RORB: variants seen among roughly 807,000 people sequenced by gnomAD.
RORB encodes nuclear receptor ROR-beta.
A neutral mutation model predicts 59.1 loss-of-function variants in RORB; 6 were observed. The ratio of observed to expected loss-of-function variants is 0.10; its 90% CI spans 0.06 to 0.20. The LOEUF is 0.20. Among genes scored for constraint, RORB ranks in the 10% least tolerant of loss-of-function variants. RORB has a pLI of 1.00. For missense variants in RORB, 320 were observed against 560.5 expected (o/e 0.57, Z 4.33); for synonymous variants, 215 against 204.5 (o/e 1.05, Z -0.44).
At chr9:74,652,299 T>G (rs936545858) in intron 4 of RORB, among the ~76,000 whole-genome samples, 2 of 152,048 alleles carry the variant, frequency 1.3e-5, no homozygotes, top group African/African-American at 4.8e-5. Flanking sequence ...TCCCAGCTAG[T>G]TGCACGACTG....
intron 9 of RORB, among the ~76,000 whole-genome samples, chr9:74,672,487 T>A (rs1213211943): frequency 1.3e-5 from 2 of 152,176 alleles, no homozygotes; most frequent in Non-Finnish European, 2.9e-5. Context: ...AACGCTGATC[T>A]CTTCGTGCAA....
chr9:74,558,300 G>A (rs578204836), intron 1 of RORB, among the ~76,000 whole-genome samples: 1 of 152,244 alleles, frequency 6.6e-6, no homozygotes, highest in Non-Finnish European at 1.5e-5. Context: ...AGCAGGATGG[G>A]TGACTGTCAG....
At chr9:74,529,757 A>C (rs1826207813) in intron 1 of RORB, among the ~76,000 whole-genome samples, 1 of 151,878 alleles carries the variant, frequency 6.6e-6, no homozygotes, top group South Asian at 2.1e-4. Context: ...ACCTAGGGAA[A>C]TGAAAACTAG....
At chr9:74,531,408 T>C (rs909138535) in intron 1 of RORB, among the ~76,000 whole-genome samples, 1 of 151,996 alleles carries the variant, frequency 6.6e-6, no homozygotes, top group Admixed American at 6.6e-5. Flanking sequence ...CTATGTATTA[T>C]GCCCAAGATA....
At chr9:74,522,167 A>G (rs1042861181) in intron 1 of RORB, among the ~76,000 whole-genome samples, 2 of 151,778 alleles carry the variant, frequency 1.3e-5, no homozygotes, top group Admixed American at 1.3e-4. Flanking sequence ...CAGTAAACTT[A>G]GTAAAATTAC....
At chr9:74,617,815 T>C (rs1011832682) in intron 1 of RORB, among the ~76,000 whole-genome samples, 1 of 152,188 alleles carries the variant, frequency 6.6e-6, no homozygotes, top group Non-Finnish European at 1.5e-5. Flanking sequence ...TCCTTTAAAT[T>C]CTGTATGTCT....
intron 1 of RORB, among the ~76,000 whole-genome samples, chr9:74,582,416 C>T (rs1242681727): frequency 2.0e-5 from 3 of 152,072 alleles, no homozygotes; most frequent in Non-Finnish European, 1.5e-5. Context: ...GAGCCCATGC[C>T]CTAGGAATGG....
At chr9:74,573,561 G>C (rs1587365410) in intron 1 of RORB, among the ~76,000 whole-genome samples, 1 of 151,556 alleles carries the variant, frequency 6.6e-6, no homozygotes, top group Non-Finnish European at 1.5e-5. Context: ...GTGTTGACAT[G>C]AAATCAAATT....
At chr9:74,580,949 G>A (rs896160154) in intron 1 of RORB, among the ~76,000 whole-genome samples, 4 of 152,152 alleles carry the variant, frequency 2.6e-5, no homozygotes, top group South Asian at 2.1e-4. Flanking sequence ...ATCTCCAGAC[G>A]TGAATGAAGT....
intron 4 of RORB, among the ~76,000 whole-genome samples, chr9:74,645,647 A>T (rs1430162218): frequency 1.3e-5 from 2 of 152,158 alleles, no homozygotes; most frequent in African/African-American, 4.8e-5. Context: ...ATTGCAGATA[A>T]TATAATTACC....
At position 74,627,288 on chromosome 9, in the gene RORB, G is replaced by A. The variant is rs528369677; in HGVS notation, c.8-2994G>A. ...TTTACCTTTACCTATCATAAACCTC[G>A]GATGATTTATTATATTGCAATAAGT... On this transcript the variant is annotated intron_variant, in intron 1 of 9. Transcript: ENST00000376896. Among the ~76,000 whole-genome samples the A allele has an allele frequency of 1.3e-4, 20 of 152,024 alleles. No individual in the cohort carries two copies. The East Asian group carries it at 2.3e-3, about 18-fold the overall frequency.
At chr9:74,521,831 T>A (rs984779745) in intron 1 of RORB, among the ~76,000 whole-genome samples, 5 of 151,836 alleles carry the variant, frequency 3.3e-5, no homozygotes, top group Non-Finnish European at 5.9e-5. Flanking sequence ...TGTTTCCTAA[T>A]CTGTAATAGT....
At chr9:74,590,054 G>A (rs940228727) in intron 1 of RORB, among the ~76,000 whole-genome samples, 1 of 152,106 alleles carries the variant, frequency 6.6e-6, no homozygotes, top group Non-Finnish European at 1.5e-5. Context: ...GTAACATGTG[G>A]ATAACAGTAT....
intron 1 of RORB, among the ~76,000 whole-genome samples, chr9:74,559,336 C>G (rs1822360286): frequency 6.6e-6 from 1 of 152,120 alleles, no homozygotes; most frequent in Non-Finnish European, 1.5e-5. Flanking sequence ...CTCCCAAGCT[C>G]CAAGGTACAG....
At position 74,648,419 on chromosome 9, in the gene RORB, T is replaced by G. The variant is rs116991200; in HGVS notation, c.637+5604T>G. 3.4e-3 allele frequency among the ~76,000 whole-genome samples: 511 copies of G among 152,352 alleles called. 4 individuals carry two copies. Among genetic ancestry groups the G allele is most frequent in the Middle Eastern group, 0.01 (3 of 294 alleles). Reference sequence around the variant, plus strand: ...TGGATCAAATGACTTTTAAAGACTATGGTTCTCTCATCTTCCAGGGAGCTT... The same window carrying G: ...TGGATCAAATGACTTTTAAAGACTAGGGTTCTCTCATCTTCCAGGGAGCTT... On this transcript the variant is annotated intron_variant, in intron 4 of 9. Coordinates refer to ENST00000376896, the MANE Select transcript of RORB (RefSeq NM_006914.4).
intron 1 of RORB, among the ~76,000 whole-genome samples, chr9:74,576,552 T>A (rs1448706458): frequency 6.6e-6 from 1 of 152,044 alleles, no homozygotes; most frequent in Non-Finnish European, 1.5e-5. Context: ...GTCATGATGA[T>A]TATAATGCAA....
Position 74,689,419 on chromosome 9 carries a change from A to G in RORB, c.*3801A>G, listed in dbSNP as rs1438479164. 1.3e-5 allele frequency: 2 copies of G among 152,158 alleles called. No individual in the cohort carries two copies. The highest frequency in any genetic ancestry group is 2.4e-5 in the African/African-American group (1 of 41,402). 9.4% of individuals were successfully genotyped at this position (152,158 alleles called of 1,614,324 possible). A position where few individuals can be genotyped will look rare whatever the true frequency, so the allele number is the denominator to read the frequency against. ...GCGCCCTGCCTTCAGTGGCTCTTTT[A>G]TCCCCCAAAGACTGAAAGCTGAAGG... On this transcript the variant is annotated 3_prime_UTR_variant, in exon 10 of 10. Transcript: ENST00000376896.
At chr9:74,517,316 A>C (rs1187288987) in intron 1 of RORB, among the ~76,000 whole-genome samples, 1 of 151,998 alleles carries the variant, frequency 6.6e-6, no homozygotes, top group Non-Finnish European at 1.5e-5. Flanking sequence ...CTGTAACGAA[A>C]GGTACTGACA....
chr9:74,614,559 C>A (rs1413098326), intron 1 of RORB, among the ~76,000 whole-genome samples: 1 of 151,712 alleles, frequency 6.6e-6, no homozygotes, highest in Non-Finnish European at 1.5e-5. Flanking sequence ...CCTAGAACAT[C>A]ATGTTGTATA....
Sources: gnomAD v4.1 joint callset for allele counts (sites outside exome capture counted in the v4.1 genomes callset) on GRCh38, gnomAD v4.1.1 for gene constraint, MANE v1.5 for transcripts, NCBI Gene and HGNC (gene_info 2026-07-23, HGNC 2026-07-21) for gene names.